Variants in VDR observed in about 807,000 individuals in gnomAD.
VDR encodes vitamin D receptor.
A neutral mutation model predicts 39.7 loss-of-function variants in VDR; 19 were observed. The ratio of observed to expected loss-of-function variants is 0.48; its 90% CI spans 0.33 to 0.70. The LOEUF is 0.70. VDR is among the 30% of genes least tolerant of loss of function. The pLI is 0.02. For synonymous variants in VDR, 242 were observed against 215.8 expected, an observed-to-expected ratio of 1.12 and a Z score of -1.07; for missense variants, 442 against 570.5, an observed-to-expected ratio of 0.77 and a Z score of 2.29.
At chr12:47,871,799 T>A (rs562790430) in intron 3 of VDR, among the ~76,000 whole-genome samples, 1 of 152,204 alleles carries the variant, frequency 6.6e-6, no homozygotes, top group Non-Finnish European at 1.5e-5. Context: ...AACCTCCATA[T>A]AATACTCTGT....
intron 6 of VDR, 103 bp from the exon 7 acceptor site, chr12:47,855,904 A>G: frequency 7.1e-7 from 1 of 1,408,274 alleles, no homozygotes; most frequent in Non-Finnish European, 9.9e-7. Flanking sequence ...CAGCAGAGCC[A>G]GCTGGGAATC....
intron 4 of VDR, among the ~76,000 whole-genome samples, chr12:47,859,838 TTC>T (rs1339276304): frequency 1.3e-5 from 2 of 150,388 alleles, no homozygotes; most frequent in African/African-American, 4.9e-5. Context: ...CTCCCTTCCT[TTC>T]CCTTCCTTCC....
rs1042945 is a variant in VDR, at chr12:47,843,375, C to T, written c.*1371G>A. ...CGGCCGCATTCCCCAAACTCAAGCA[C>T]TGATCTGAAGAAGCCTCTGTGATCC... On this transcript the variant is annotated 3_prime_UTR_variant, in exon 10 of 10. Transcript: ENST00000549336. 6.6e-6 allele frequency: 1 copy of T among 152,270 alleles called. No homozygotes were observed. The highest frequency in any genetic ancestry group is 2.4e-5 in the African/African-American group (1 of 41,392). 9.4% of individuals were successfully genotyped at this position (152,270 alleles called of 1,614,324 possible). A position where few individuals can be genotyped will look rare whatever the true frequency, so the allele number is the denominator to read the frequency against.
rs915354428 is a variant in VDR at position 47,846,328 on chromosome 12, C to G, written c.1024+7G>C. On this transcript the variant is annotated splice_region_variant and intron_variant, in intron 9 of 9. Coordinates refer to ENST00000549336, the MANE Select transcript of VDR (RefSeq NM_000376.3). ...GTCCCTGAGCTCCTCCCTGCCTGGC[C>G]CCATACCTGGGGAGACGATGCAGAT... The G allele has an allele frequency of 6.2e-7, 1 of 1,607,466 alleles. No individual in the cohort carries two copies. Among genetic ancestry groups the G allele is most frequent in the African/African-American group, 1.3e-5 (1 of 74,912 alleles).
chr12:47,889,848 G>A (rs113104382), intron 1 of VDR, among the ~76,000 whole-genome samples: 1,873 of 152,318 alleles, frequency 0.012, 36 homozygotes, highest in South Asian at 0.019. Flanking sequence ...TCAAGACAGC[G>A]GGAGAAAGCT....
At chr12:47,902,998 G>A (rs1946595745) in intron 1 of VDR, among the ~76,000 whole-genome samples, 1 of 152,156 alleles carries the variant, frequency 6.6e-6, no homozygotes, top group African/African-American at 2.4e-5. Flanking sequence ...GGTCAAATAG[G>A]GGAAGAATAC....
intron 2 of VDR, among the ~76,000 whole-genome samples, chr12:47,879,803 G>A (rs994636136): frequency 6.6e-6 from 1 of 151,904 alleles, no homozygotes; most frequent in Admixed American, 6.6e-5. Context: ...ACATTATTTT[G>A]AATGTCCTTC....
chr12:47,862,634 C>T lies in VDR; in HGVS notation c.277+2413G>A, dbSNP rs150206796. On this transcript the variant is annotated intron_variant, in intron 4 of 9. Transcript: ENST00000549336. Reference sequence around the variant, plus strand: ...CTGTGCCTCTTCTATGGAAGGCCCACCTCCTTGCTCGGACAGCAGGAGCCT... The same window carrying T: ...CTGTGCCTCTTCTATGGAAGGCCCATCTCCTTGCTCGGACAGCAGGAGCCT... Among the ~76,000 whole-genome samples, 242 of 152,366 alleles carry T rather than the reference C, an allele frequency of 1.6e-3. 3 individuals are homozygous for T. Among genetic ancestry groups the T allele is most frequent in the African/African-American group, 5.4e-3 (223 of 41,582 alleles).
intron 1 of VDR, chr12:47,898,748 C>T (rs1165092891): frequency 6.4e-6 from 1 of 155,430 alleles, no homozygotes; most frequent in Non-Finnish European, 1.5e-5. Context: ...CTCATATTGA[C>T]TCAAAGAAGA....
chr12:47,902,659 C>T (rs564630987), intron 1 of VDR, among the ~76,000 whole-genome samples: 6 of 152,224 alleles, frequency 3.9e-5, no homozygotes, highest in African/African-American at 9.6e-5. Flanking sequence ...GTGGTCCTCC[C>T]GTCTCTGGCT....
At chr12:47,854,843 T>C (rs1945450847) in intron 7 of VDR, among the ~76,000 whole-genome samples, 1 of 152,396 alleles carries the variant, frequency 6.6e-6, no homozygotes, top group South Asian at 2.1e-4. Flanking sequence ...TTTCTGGGCC[T>C]ACGCCAGAGA....
At chr12:47,873,806 A>C (rs182293593) in intron 3 of VDR, among the ~76,000 whole-genome samples, 1 of 152,338 alleles carries the variant, frequency 6.6e-6, no homozygotes, top group Admixed American at 6.5e-5. Flanking sequence ...AGTCAAAAAC[A>C]TGCTTTCCCA....
intron 1 of VDR, among the ~76,000 whole-genome samples, chr12:47,900,469 G>T (rs984954802): frequency 6.6e-6 from 1 of 152,176 alleles, no homozygotes. Flanking sequence ...GGAGTCGTGG[G>T]TTTCCTCCTC....
At chr12:47,868,152 C>T (rs1333365345) in intron 3 of VDR, among the ~76,000 whole-genome samples, 1 of 152,228 alleles carries the variant, frequency 6.6e-6, no homozygotes, top group Admixed American at 6.5e-5. Flanking sequence ...CTTTAGCTTC[C>T]TGGATTGTTT....
At position 47,846,438 on chromosome 12, in the gene VDR, C is replaced by T; in HGVS notation, c.921G>A (p.Leu307=). 1 of 1,566,584 alleles carries T rather than the reference C, an allele frequency of 6.4e-7. No homozygotes were observed. Among genetic ancestry groups the T allele is most frequent in the South Asian group, 1.2e-5 (1 of 85,382 alleles). ...ACTTGATGAGGGGCTCAATCAGCTCCAGGCTGTGTCCGGCTGTGAGAGACA... is the reference window on the plus strand; with the variant it reads ...ACTTGATGAGGGGCTCAATCAGCTCTAGGCTGTGTCCGGCTGTGAGAGACA... ...VSDVTKAGHS[L]ELIEPLIKFQ... The change falls in exon 9 of 10, where the codon CTG becomes CTA. Residue 307 remains leucine, a synonymous_variant. Transcript: ENST00000549336.
At chr12:47,849,638 A>ACCAT (rs1425305134) in intron 7 of VDR, among the ~76,000 whole-genome samples, 7 of 152,178 alleles carry the variant, frequency 4.6e-5, no homozygotes, top group Non-Finnish European at 8.8e-5. Flanking sequence ...CTAACATCTC[A>ACCAT]CCATCCTTGT....
chr12:47,849,919 C>T (rs4760732), intron 7 of VDR, among the ~76,000 whole-genome samples: 79,117 of 151,830 alleles, frequency 0.52, 20,831 homozygotes, highest in South Asian at 0.56. Context: ...GGTGCAATCT[C>T]GGCTCACTGA....
chr12:47,875,240 T>C (rs1451968615), intron 3 of VDR, among the ~76,000 whole-genome samples: 2 of 152,212 alleles, frequency 1.3e-5, no homozygotes, highest in South Asian at 2.1e-4. Flanking sequence ...TAGTTAACTA[T>C]CTTAGAAGCC....
chr12:47,875,881 G>C (rs1209832324), intron 3 of VDR, among the ~76,000 whole-genome samples: 1 of 152,208 alleles, frequency 6.6e-6, no homozygotes, highest in East Asian at 1.9e-4. Context: ...ACAGCCAGCA[G>C]CACTGTTGTC....
Sources: gnomAD v4.1 joint callset for allele counts (sites outside exome capture counted in the v4.1 genomes callset) on GRCh38, gnomAD v4.1.1 for gene constraint, MANE v1.5 for transcripts, NCBI Gene and HGNC (gene_info 2026-07-23, HGNC 2026-07-21) for gene names.